Variants in CACNA2D1 observed in about 807,000 individuals in gnomAD.
CACNA2D1 encodes the protein calcium voltage-gated channel auxiliary subunit alpha2delta 1, also known as voltage-dependent calcium channel subunit alpha-2/delta-1.
CACNA2D1 carries 53 observed loss-of-function variants against 171.5 expected under a neutral mutation model. That is an observed-to-expected ratio of 0.31 (90% CI 0.25 to 0.39). The LOEUF is 0.39. Ranked by LOEUF, CACNA2D1 falls within the 10% of genes least tolerant of loss-of-function variation. CACNA2D1 has a pLI of 1.00. For missense variants in CACNA2D1, 903 were observed against 1,299.8 expected (o/e 0.69, Z 4.69); for synonymous variants, 442 against 443.1 (o/e 1.00, Z 0.03).
At chr7:81,975,824 A>G (rs1310010299) in intron 24 of CACNA2D1, among the ~76,000 whole-genome samples, 1 of 152,180 alleles carries the variant, frequency 6.6e-6, no homozygotes, top group East Asian at 1.9e-4. Context: ...CTTTCCCAAA[A>G]TTCTAATTTT....
intron 1 of CACNA2D1, among the ~76,000 whole-genome samples, chr7:82,398,250 T>C (rs923063577): frequency 6.6e-6 from 1 of 152,212 alleles, no homozygotes; most frequent in Non-Finnish European, 1.5e-5. Context: ...AAGATCTCAA[T>C]TTCTTCATGA....
At chr7:82,013,064 G>T (rs554833311) in intron 14 of CACNA2D1, among the ~76,000 whole-genome samples, 1 of 151,990 alleles carries the variant, frequency 6.6e-6, no homozygotes, top group East Asian at 1.9e-4. Context: ...TTCCAACTAG[G>T]TCCCTGTAAA....
chr7:82,440,491 T>C (rs994732373), intron 1 of CACNA2D1, among the ~76,000 whole-genome samples: 1 of 151,900 alleles, frequency 6.6e-6, no homozygotes, highest in African/African-American at 2.4e-5. Flanking sequence ...AAAAATGATA[T>C]ATTTTCCATT....
rs533076378 is a variant in CACNA2D1, at chr7:82,105,063, C to A, written c.526+11981G>T. On this transcript the variant is annotated intron_variant, in intron 6 of 38. Transcript: ENST00000356860. ...AGCTATAACTCCTCTAGAATTAAGT[C>A]CGATGAAAAACACTGTCTTATTCTT... 2.3e-4 allele frequency among the ~76,000 whole-genome samples: 35 copies of A among 151,956 alleles called. No individual in the cohort carries two copies. The South Asian group carries it at 3.3e-3, about 14-fold the overall frequency.
chr7:81,959,299 A>T lies in CACNA2D1; in HGVS notation c.3135T>A (p.Asp1045Glu). Residue 1045 changes from aspartate (D) to glutamate (E), a missense_variant, in exon 38 of 39, where the codon GAT becomes GAA. Asp to Glu is a conservative substitution (Grantham distance 45, BLOSUM62 2). This residue lies in a region of CACNA2D1 where 623 missense variants were observed against 925.5 expected (regional missense o/e 0.67). Transcript: ENST00000356860. ...VKQPRYRKGP[D>E]VCFDNNVLED... Reference sequence around the variant, plus strand: ...CCAAGACATTGTTATCAAAGCAGACATCAGGCCCTTTTCGGTATCTGGGTT... The same window carrying T: ...CCAAGACATTGTTATCAAAGCAGACTTCAGGCCCTTTTCGGTATCTGGGTT... The T allele has an allele frequency of 6.2e-7, 1 of 1,610,046 alleles. No homozygotes were observed. Among genetic ancestry groups the T allele is most frequent in the Non-Finnish European group, 8.5e-7 (1 of 1,176,472 alleles).
intron 15 of CACNA2D1, among the ~76,000 whole-genome samples, chr7:82,010,676 G>A (rs1346148243): frequency 2.0e-5 from 3 of 152,148 alleles, no homozygotes; most frequent in East Asian, 3.9e-4. Flanking sequence ...TTAAGCTAGG[G>A]CTTGAGGTAA....
intron 3 of CACNA2D1, among the ~76,000 whole-genome samples, chr7:82,187,725 G>C (rs1024470540): frequency 6.6e-6 from 1 of 152,078 alleles, no homozygotes; most frequent in African/African-American, 2.4e-5. Context: ...GACTTTAGGA[G>C]CTGTGTAGAT....
intron 10 of CACNA2D1, chr7:82,050,509 C>A: frequency 1.4e-6 from 1 of 695,394 alleles, no homozygotes. Context: ...TGAGGAAGTC[C>A]CTGATCTTAT....
intron 5 of CACNA2D1, among the ~76,000 whole-genome samples, chr7:82,136,204 TG>T (rs1442985018): frequency 2.6e-5 from 4 of 152,196 alleles, no homozygotes; most frequent in Non-Finnish European, 4.4e-5. Context: ...GCACAGCTTC[TG>T]GGGTGTCATT....
At chr7:82,438,317 CAT>C (rs1418830594) in intron 1 of CACNA2D1, among the ~76,000 whole-genome samples, 1 of 152,054 alleles carries the variant, frequency 6.6e-6, no homozygotes, top group Non-Finnish European at 1.5e-5. Context: ...TATGTATGGA[CAT>C]ACACACGTAT....
At chr7:82,088,629 C>T (rs1239191865) in intron 6 of CACNA2D1, among the ~76,000 whole-genome samples, 2 of 151,778 alleles carry the variant, frequency 1.3e-5, no homozygotes, top group Non-Finnish European at 2.9e-5. Flanking sequence ...TATAAAAATT[C>T]CAGAATAAAT....
intron 3 of CACNA2D1, among the ~76,000 whole-genome samples, chr7:82,207,702 C>G (rs1800151705): frequency 6.6e-6 from 1 of 152,136 alleles, no homozygotes; most frequent in South Asian, 2.1e-4. Context: ...GAAAAAGAAG[C>G]TGGTACTTAG....
At chr7:82,033,064 C>G (rs1802907701) in intron 11 of CACNA2D1, 163 bp from the exon 12 acceptor site, 3 of 547,764 alleles carry the variant, frequency 5.5e-6, no homozygotes, top group Non-Finnish European at 9.9e-6. Context: ...CAGGCCCACC[C>G]CCTTCACCAG....
At chr7:82,013,615 A>G in intron 13 of CACNA2D1, 105 bp from the exon 14 acceptor site, 1 of 377,376 alleles carries the variant, frequency 2.6e-6, no homozygotes, top group East Asian at 8.6e-5. Flanking sequence ...TTTGAAAACA[A>G]TATATTTCAC....
chr7:82,220,989 T>A (rs566640710), intron 3 of CACNA2D1, among the ~76,000 whole-genome samples: 1 of 152,136 alleles, frequency 6.6e-6, no homozygotes, highest in Non-Finnish European at 1.5e-5. Flanking sequence ...TTGGCCAGAC[T>A]GGTCTCAAAC....
intron 3 of CACNA2D1, among the ~76,000 whole-genome samples, chr7:82,327,050 T>TGG (rs1816742763): frequency 6.6e-6 from 1 of 152,194 alleles, no homozygotes; most frequent in Non-Finnish European, 1.5e-5. Flanking sequence ...CATTGAAAGG[T>TGG]GGGGCTCCAT....
chr7:82,289,580 A>C (rs1345468316), intron 3 of CACNA2D1, among the ~76,000 whole-genome samples: 2 of 152,236 alleles, frequency 1.3e-5, no homozygotes, highest in African/African-American at 4.8e-5. Flanking sequence ...TTCATTAAAA[A>C]ATTAAATATG....
chr7:82,051,496 C>T (rs1298304225), intron 10 of CACNA2D1, among the ~76,000 whole-genome samples: 1 of 151,920 alleles, frequency 6.6e-6, no homozygotes, highest in Non-Finnish European at 1.5e-5. Context: ...AAATCAAAGA[C>T]AGTATTTTAT....
At chr7:82,187,066 G>A (rs1797859001) in intron 3 of CACNA2D1, among the ~76,000 whole-genome samples, 1 of 152,026 alleles carries the variant, frequency 6.6e-6, no homozygotes, top group Non-Finnish European at 1.5e-5. Context: ...GATAATAAAT[G>A]ATTTTTTAAG....
Sources: allele counts gnomAD v4.1 joint callset (sites outside exome capture counted in the v4.1 genomes callset), GRCh38; gene constraint gnomAD v4.1.1; regional missense constraint gnomAD v4.1.1; transcripts MANE v1.5; gene names NCBI Gene and HGNC (gene_info 2026-07-23, HGNC 2026-07-21).